The following LCP1 variants were observed in gnomAD, a reference collection of about 807,000 sequenced individuals.
The protein encoded by LCP1 is lymphocyte cytosolic protein 1.
In LCP1, 23 loss-of-function variants were observed where a neutral mutation model predicts 72.0. The observed-to-expected ratio is 0.32, with a 90% confidence interval of 0.23 to 0.45. The LOEUF (loss-of-function observed/expected upper bound fraction) is 0.45, where lower values mean the gene tolerates loss of function less well. LCP1 is among the 20% of genes least tolerant of loss of function. LCP1 has a pLI of 1.00. For missense variants in LCP1, 571 were observed against 748.3 expected, an observed-to-expected ratio of 0.76 and a Z score of 2.76; for synonymous variants, 245 against 275.4, an observed-to-expected ratio of 0.89 and a Z score of 1.09.
Position 46,134,169 on chromosome 13 carries a change from T to C in LCP1, c.1584A>G (p.Thr528=), listed in dbSNP as rs2138220113. 3 of 1,613,656 alleles carry C rather than the reference T, an allele frequency of 1.9e-6. No individual in the cohort carries two copies. The highest frequency in any genetic ancestry group is 1.1e-5 in the South Asian group (1 of 91,082). The change falls in exon 14 of 16, where the codon ACA becomes ACG. Residue 528 remains threonine (T), a synonymous_variant. Coordinates refer to ENST00000323076, the MANE Select transcript of LCP1 (RefSeq NM_002298.5). ...DDIIVNWVNE[T]LREAKKSSSI... ...ATGAACTTTTCTTTGCTTCCCTCAA[T>C]GTTTCATTCACCCAGTTGACAATAA... is the stretch of plus-strand genomic sequence containing the variant.
chr13:46,168,494 A>C (rs904610247), intron 1 of LCP1: 1 of 152,450 alleles, frequency 6.6e-6, no homozygotes, highest in Non-Finnish European at 1.5e-5. Flanking sequence ...GTCTAGATGC[A>C]TTCTCCTCAC....
chr13:46,175,818 C>T lies in LCP1; in HGVS notation c.-25+6293G>A, dbSNP rs949105826. Among the ~76,000 whole-genome samples the T allele has an allele frequency of 3.3e-5, 5 of 152,158 alleles. No homozygotes were observed. The South Asian group carries it at 6.2e-4, about 19-fold the overall frequency. On this transcript the variant is annotated intron_variant, in intron 1 of 15. Coordinates refer to ENST00000323076, the MANE Select transcript of LCP1 (RefSeq NM_002298.5). ...TAGAAACAGTGGGGGAAGTTCAGTT[C>T]GCATTTTTAAGATGACAAAAGAGTG...
intron 1 of LCP1, among the ~76,000 whole-genome samples, chr13:46,164,794 A>C (rs1158456429): frequency 6.6e-6 from 1 of 152,238 alleles, no homozygotes; most frequent in Non-Finnish European, 1.5e-5. Context: ...ATTTATTACA[A>C]TGTCCTCATT....
chr13:46,139,177 T>C (rs1696813209), intron 13 of LCP1, among the ~76,000 whole-genome samples: 2 of 152,198 alleles, frequency 1.3e-5, no homozygotes, highest in African/African-American at 2.4e-5. Flanking sequence ...TTTTCAATGA[T>C]GTTCTGGATA....
At chr13:46,128,466 CGT>C (rs1187098290) in intron 15 of LCP1, among the ~76,000 whole-genome samples, 3 of 152,024 alleles carry the variant, frequency 2.0e-5, no homozygotes, top group Non-Finnish European at 4.4e-5. Flanking sequence ...GGCGTGGTGG[CGT>C]GCGCCTGTAG....
intron 1 of LCP1, among the ~76,000 whole-genome samples, chr13:46,177,223 A>G (rs898181928): frequency 6.6e-6 from 1 of 152,246 alleles, no homozygotes; most frequent in Non-Finnish European, 1.5e-5. Flanking sequence ...GGACACTTAT[A>G]TTTGGCCATT....
At chr13:46,149,910 T>C (rs931937755) in intron 8 of LCP1, among the ~76,000 whole-genome samples, 1 of 152,188 alleles carries the variant, frequency 6.6e-6, no homozygotes, top group African/African-American at 2.4e-5. Flanking sequence ...TTGGTGGTGC[T>C]AGAAGAATGT....
intron 1 of LCP1, among the ~76,000 whole-genome samples, chr13:46,163,435 C>T (rs906767784): frequency 1.3e-5 from 2 of 152,018 alleles, no homozygotes; most frequent in Non-Finnish European, 2.9e-5. Flanking sequence ...TGCTTGAAGG[C>T]AGCATGCTCG....
At chr13:46,154,943 A>G (rs2045791586) in intron 5 of LCP1, 57 bp from the exon 6 acceptor site, 2 of 1,321,352 alleles carry the variant, frequency 1.5e-6, no homozygotes, top group Admixed American at 3.5e-5. Context: ...AGAGCCCAGT[A>G]ACGTTGAATT....
chr13:46,134,197 T>A lies in LCP1; in HGVS notation c.1556A>T (p.Asp519Val). 6.2e-7 allele frequency: 1 copy of A among 1,612,324 alleles called. No homozygotes were observed. Among genetic ancestry groups the A allele is most frequent in the Non-Finnish European group, 8.5e-7 (1 of 1,178,428 alleles). The change falls in exon 14 of 16, where the codon GAC (aspartate) becomes GTC (valine). Residue 519 changes from aspartate (D) to valine (V), a missense_variant. Coordinates refer to ENST00000323076, the MANE Select transcript of LCP1 (RefSeq NM_002298.5). ...EIGGGQKVNDDIIVNWVNETL... is the reference protein window; with the variant it reads ...EIGGGQKVNDVIIVNWVNETL... ...TTCATTCACCCAGTTGACAATAATG[T>A]CATCATTGACCTTCTGGCCACCACC...
intron 1 of LCP1, among the ~76,000 whole-genome samples, chr13:46,165,704 C>T (rs2045872633): frequency 6.6e-6 from 1 of 152,122 alleles, no homozygotes; most frequent in South Asian, 2.1e-4. Flanking sequence ...TATGCCCTGC[C>T]ACAAACCATT....
In LCP1 at chr13:46,128,470, C is replaced by A. The variant is rs142162722; in HGVS notation, c.1752-747G>T. On this transcript the variant is annotated intron_variant, in intron 15 of 15. Coordinates refer to ENST00000323076, the MANE Select transcript of LCP1 (RefSeq NM_002298.5). ...AAAATTAGCCAGGCGTGGTGGCGTGCGCCTGTAGTCCCAGCTACTCAGGAG... is the reference window on the plus strand; with the variant it reads ...AAAATTAGCCAGGCGTGGTGGCGTGAGCCTGTAGTCCCAGCTACTCAGGAG... 4.3e-4 allele frequency among the ~76,000 whole-genome samples: 66 copies of A among 152,104 alleles called. 1 individual carries two copies. In the East Asian group the frequency reaches 0.013, roughly 30 times the overall value.
Position 46,126,262 on chromosome 13 carries a change from C to T in LCP1, c.*1329G>A, listed in dbSNP as rs2045597379. The stretch of plus-strand genomic sequence containing the variant: ...AGCTTTTCACCATGATAGAGGGCGT[C>T]TTGCATTGGTTCACAATGGCCTGTT... On this transcript the variant is annotated 3_prime_UTR_variant, in exon 16 of 16. Transcript: ENST00000323076. 8.8e-6 allele frequency: 2 copies of T among 227,800 alleles called. No individual in the cohort carries two copies. Among genetic ancestry groups the T allele is most frequent in the African/African-American group, 2.2e-5 (1 of 45,044 alleles). The allele number at this position is 227,800 out of a possible 1,614,324, so 14.1% of individuals were successfully genotyped here.
At chr13:46,170,003 C>T (rs1264414212) in intron 1 of LCP1, among the ~76,000 whole-genome samples, 1 of 152,162 alleles carries the variant, frequency 6.6e-6, no homozygotes, top group Non-Finnish European at 1.5e-5. Context: ...GTAGTGTGGT[C>T]CCTGTTACCA....
intron 6 of LCP1, among the ~76,000 whole-genome samples, chr13:46,154,174 T>C (rs1255579252): frequency 1.3e-5 from 2 of 152,238 alleles, no homozygotes; most frequent in African/African-American, 2.4e-5. Context: ...TAATCATTGT[T>C]CTCAATTTGG....
chr13:46,132,197 C>T (rs1466714691), intron 14 of LCP1, among the ~76,000 whole-genome samples: 1 of 152,090 alleles, frequency 6.6e-6, no homozygotes, highest in Non-Finnish European at 1.5e-5. Flanking sequence ...ATTGCCAAAC[C>T]TTTCTAATAG....
chr13:46,168,670 T>C (rs926065829), intron 1 of LCP1, among the ~76,000 whole-genome samples: 1 of 152,222 alleles, frequency 6.6e-6, no homozygotes, highest in African/African-American at 2.4e-5. Context: ...GGCAAGACGG[T>C]ACTCAAACTG....
intron 9 of LCP1, among the ~76,000 whole-genome samples, chr13:46,147,999 G>A (rs549371227): frequency 4.6e-5 from 7 of 152,270 alleles, no homozygotes; most frequent in South Asian, 2.1e-4. Flanking sequence ...GCACAGAAAC[G>A]GGCAAAGAGA....
rs141818406 is a variant in LCP1 at position 46,148,947 on chromosome 13, G to A, written c.883-500C>T. ...TGAAGCATTAACAAGCAATCTTTAC[G>A]TAAAAGGAGAAATATTAAGAAAAGT... is the stretch of plus-strand genomic sequence containing the variant. On this transcript the variant is annotated intron_variant, in intron 8 of 15. Transcript: ENST00000323076. 3.5e-3 allele frequency: 617 copies of A among 177,438 alleles called. 4 individuals carry two copies. Among genetic ancestry groups the A allele is most frequent in the African/African-American group, 0.014 (570 of 41,940 alleles). 11.0% of individuals were successfully genotyped at this position (177,438 alleles called of 1,614,324 possible).
Sources: gnomAD v4.1 joint callset for allele counts (sites outside exome capture counted in the v4.1 genomes callset) on GRCh38, gnomAD v4.1.1 for gene constraint, MANE v1.5 for transcripts, NCBI Gene and HGNC (gene_info 2026-07-23, HGNC 2026-07-21) for gene names.